The following F13A1 variants were observed in gnomAD, a reference collection of about 807,000 sequenced individuals.
F13A1 encodes the protein FSF, A subunit.
Under a neutral mutation model 80.1 loss-of-function variants are expected in F13A1, and 47 were observed. The ratio of observed to expected loss-of-function variants is 0.59; its 90% confidence interval spans 0.46 to 0.75. F13A1 has a LOEUF of 0.75. F13A1 is among the 30% of genes least tolerant of loss of function. The pLI, the probability that F13A1 is intolerant of heterozygous loss-of-function variation, is 0.00. For synonymous variants in F13A1, 349 were observed against 344.9 expected, an observed-to-expected ratio of 1.01 and a Z score of -0.13; for missense variants, 817 against 930.4, an observed-to-expected ratio of 0.88 and a Z score of 1.59.
chr6:6,212,685 C>T (rs1761640443), intron 8 of F13A1, among the ~76,000 whole-genome samples: 1 of 152,236 alleles, frequency 6.6e-6, no homozygotes, highest in African/African-American at 2.4e-5. Context: ...TGGAGAATAA[C>T]TTTGACGAGC....
intron 3 of F13A1, among the ~76,000 whole-genome samples, chr6:6,281,367 T>A (rs1583108840): frequency 6.6e-6 from 1 of 152,248 alleles, no homozygotes; most frequent in East Asian, 1.9e-4. Context: ...TTCTAAGACC[T>A]TTCCAGATCC....
rs568670266 is a variant in F13A1, at chr6:6,257,476, A to G, written c.572-6547T>C. Among the ~76,000 whole-genome samples the G allele has an allele frequency of 1.8e-3, 281 of 152,294 alleles. 2 individuals carry two copies. Among genetic ancestry groups the G allele is most frequent in the Middle Eastern group, 0.014 (4 of 294 alleles). Reference sequence around the variant, plus strand: ...GAATCAATCTATGAAGCACAAGCAAATGGTTCCTCAATAGTCAGTTGAGTT... The same window carrying G: ...GAATCAATCTATGAAGCACAAGCAAGTGGTTCCTCAATAGTCAGTTGAGTT... On this transcript the variant is annotated intron_variant, in intron 4 of 14. Coordinates refer to ENST00000264870, the MANE Select transcript of F13A1 (RefSeq NM_000129.4).
At chr6:6,194,023 G>A (rs770784033) in intron 10 of F13A1, among the ~76,000 whole-genome samples, 8 of 152,124 alleles carry the variant, frequency 5.3e-5, no homozygotes, top group Non-Finnish European at 1.0e-4. Context: ...TTTGATGTTC[G>A]TTTTGCTTTC....
chr6:6,243,723 T>A lies in F13A1; in HGVS notation c.798+4589A>T, dbSNP rs1383543699. Among the ~76,000 whole-genome samples, 1 of 152,124 alleles carries A rather than the reference T, an allele frequency of 6.6e-6. No individual in the cohort carries two copies. Among genetic ancestry groups the A allele is most frequent in the Non-Finnish European group, 1.5e-5 (1 of 68,012 alleles). ...GACACCACTTCCAAGGGCTTCTGCT[T>A]CCTCACCCAGAAGACTCTTGGAGAG... On this transcript the variant is annotated intron_variant, in intron 6 of 14. Coordinates refer to ENST00000264870, the MANE Select transcript of F13A1 (RefSeq NM_000129.4). The surrounding 1 kb of genome is among the most constrained non-coding windows in gnomAD (Gnocchi z 4.2).
chr6:6,184,583 G>A (rs187249419), intron 10 of F13A1, among the ~76,000 whole-genome samples: 25 of 152,310 alleles, frequency 1.6e-4, no homozygotes, highest in Admixed American at 1.4e-3. Context: ...CTGAGAATTC[G>A]GGAATTCCCT....
intron 6 of F13A1, among the ~76,000 whole-genome samples, chr6:6,228,935 G>A (rs1757314406): frequency 6.6e-6 from 1 of 152,132 alleles, no homozygotes; most frequent in Non-Finnish European, 1.5e-5. Context: ...GGGTTCTGGA[G>A]TGACAGATGT....
chr6:6,259,764 G>A (rs962064458), intron 4 of F13A1, among the ~76,000 whole-genome samples: 2 of 152,156 alleles, frequency 1.3e-5, no homozygotes, highest in African/African-American at 2.4e-5. Flanking sequence ...ATATGAGGTC[G>A]AATGAGGTGA....
intron 13 of F13A1, among the ~76,000 whole-genome samples, chr6:6,163,400 C>G (rs997418031): frequency 6.6e-6 from 1 of 152,180 alleles, no homozygotes; most frequent in Admixed American, 6.6e-5. Flanking sequence ...AAACTCATGT[C>G]ATGAGGGTTG....
intron 10 of F13A1, among the ~76,000 whole-genome samples, chr6:6,183,073 G>GCGT (rs1358332798): frequency 6.6e-6 from 1 of 152,108 alleles, no homozygotes; most frequent in Non-Finnish European, 1.5e-5. Flanking sequence ...GTGCCTGAAA[G>GCGT]CTGACTGTAC....
At chr6:6,235,970 G>A (rs1220353939) in intron 6 of F13A1, among the ~76,000 whole-genome samples, 1 of 152,066 alleles carries the variant, frequency 6.6e-6, no homozygotes, top group Non-Finnish European at 1.5e-5. Context: ...CAGCAATAAA[G>A]AGGAATGAAC....
intron 4 of F13A1, among the ~76,000 whole-genome samples, chr6:6,259,981 T>A (rs1385814328): frequency 6.6e-6 from 1 of 152,214 alleles, no homozygotes; most frequent in Admixed American, 6.5e-5. Context: ...ATTTAAATAG[T>A]GAAATACATT....
Position 6,253,654 on chromosome 6 carries a change from T to C in F13A1, c.572-2725A>G, listed in dbSNP as rs115228952. On this transcript the variant is annotated intron_variant, in intron 4 of 14. Transcript: ENST00000264870. ...ATCCCTGAGTAAGTGCTTATTGTTG[T>C]ATGCCACTAAGATTTTCTGGTTCTT... Among the ~76,000 whole-genome samples the C allele has an allele frequency of 4.1e-3, 623 of 152,356 alleles. 2 individuals carry two copies. Among genetic ancestry groups the C allele is most frequent in the African/African-American group, 0.014 (580 of 41,574 alleles).
rs1757512980 is a variant in F13A1, at chr6:6,243,411, C to A, written c.798+4901G>T. On this transcript the variant is annotated intron_variant, in intron 6 of 14. Coordinates refer to ENST00000264870, the MANE Select transcript of F13A1 (RefSeq NM_000129.4). This position sits in a 1 kb window ranked among gnomAD's most constrained non-coding sequence, Gnocchi z 4.2. ...TATCATATCATATTTGGTACCTGAT[C>A]GTCTTTGGAAGCTCATTCTCCAGGG... 6.6e-6 allele frequency among the ~76,000 whole-genome samples: 1 copy of A among 152,160 alleles called. No individual in the cohort carries two copies. Among genetic ancestry groups the A allele is most frequent in the South Asian group, 2.1e-4 (1 of 4,826 alleles).
intron 10 of F13A1, among the ~76,000 whole-genome samples, chr6:6,190,823 C>G (rs1476849951): frequency 1.3e-3 from 193 of 152,202 alleles, no homozygotes; most frequent in African/African-American, 4.5e-3. Context: ...CTCCCCCAGC[C>G]TCGCTGCCGC....
At chr6:6,187,946 T>G (rs1761110128) in intron 10 of F13A1, among the ~76,000 whole-genome samples, 1 of 148,860 alleles carries the variant, frequency 6.7e-6, no homozygotes, top group Non-Finnish European at 1.5e-5. Context: ...CCTGGTTTAG[T>G]CTTGGGAGAG....
intron 3 of F13A1, among the ~76,000 whole-genome samples, chr6:6,285,206 G>A (rs561402131): frequency 2.8e-4 from 43 of 152,296 alleles, no homozygotes; most frequent in Middle Eastern, 6.8e-3. Context: ...CTGAGATCAC[G>A]CCACTGCACT....
chr6:6,281,059 CATGAAA>C (rs1427576601), intron 3 of F13A1, among the ~76,000 whole-genome samples: 1 of 152,156 alleles, frequency 6.6e-6, no homozygotes, highest in African/African-American at 2.4e-5. Flanking sequence ...CATGGCTCCC[CATGAAA>C]ACGGTCATTT....
At chr6:6,199,160 A>T (rs139142014) in intron 8 of F13A1, among the ~76,000 whole-genome samples, 2 of 152,342 alleles carry the variant, frequency 1.3e-5, no homozygotes, top group Non-Finnish European at 2.9e-5. Flanking sequence ...ACCCTCATGG[A>T]TGTTAACACA....
At chr6:6,213,249 G>C (rs924975607) in intron 8 of F13A1, among the ~76,000 whole-genome samples, 1 of 151,554 alleles carries the variant, frequency 6.6e-6, no homozygotes, top group Non-Finnish European at 1.5e-5. Context: ...AAGTTGAAAT[G>C]AAGGAAAAAA....
Sources: gnomAD v4.1 joint callset for allele counts (sites outside exome capture counted in the v4.1 genomes callset) on GRCh38, gnomAD v4.1.1 for gene constraint, Gnocchi (gnomAD v3.1) non-coding constraint, MANE v1.5 for transcripts, NCBI Gene and HGNC (gene_info 2026-07-23, HGNC 2026-07-21) for gene names.